The following MAN1A1 variants were observed in gnomAD, a reference collection of about 807,000 sequenced individuals.
MAN1A1 encodes the protein mannosyl-oligosaccharide 1,2-alpha-mannosidase IA.
MAN1A1 carries 29 observed loss-of-function variants against 70.8 expected under a neutral mutation model. The observed-to-expected ratio is 0.41, with a 90% CI of 0.31 to 0.56. The LOEUF (loss-of-function observed/expected upper bound fraction) is 0.56, where lower values mean the gene tolerates loss of function less well. Among genes scored for constraint, MAN1A1 ranks in the 20% least tolerant of loss-of-function variants. MAN1A1 has a pLI of 0.29. For missense variants in MAN1A1, 747 were observed against 841.3 expected (o/e 0.89, Z 1.39); for synonymous variants, 349 against 330.1 (o/e 1.06, Z -0.62).
chr6:119,215,095 T>C (rs1774163507), intron 6 of MAN1A1, among the ~76,000 whole-genome samples: 1 of 151,950 alleles, frequency 6.6e-6, no homozygotes, highest in Non-Finnish European at 1.5e-5. Flanking sequence ...ATATACCTAA[T>C]GTTAAATGAC....
chr6:119,266,145 T>C (rs191847950), intron 5 of MAN1A1, among the ~76,000 whole-genome samples: 31 of 152,284 alleles, frequency 2.0e-4, no homozygotes, highest in African/African-American at 6.5e-4. Flanking sequence ...TGTTTATAGA[T>C]AGAAGATTGA....
intron 4 of MAN1A1, among the ~76,000 whole-genome samples, chr6:119,294,224 T>C (rs1772135295): frequency 6.6e-6 from 1 of 152,164 alleles, no homozygotes; most frequent in South Asian, 2.1e-4. Context: ...TTTTCAAAAG[T>C]GAATTTCTAC....
At chr6:119,261,812 C>T (rs760601031) in intron 5 of MAN1A1, among the ~76,000 whole-genome samples, 1 of 152,066 alleles carries the variant, frequency 6.6e-6, no homozygotes, top group African/African-American at 2.4e-5. Context: ...CTGAGACTGG[C>T]CAACATCCTG....
At chr6:119,302,188 G>T in intron 3 of MAN1A1, 85 bp from the exon 4 acceptor site, 2 of 644,694 alleles carry the variant, frequency 3.1e-6, no homozygotes, top group South Asian at 2.0e-5. Flanking sequence ...AAGGGAGAGG[G>T]TAATGCTGGA....
At chr6:119,270,037 C>A (rs889520996) in intron 5 of MAN1A1, among the ~76,000 whole-genome samples, 16 of 152,280 alleles carry the variant, frequency 1.1e-4, no homozygotes, top group African/African-American at 3.9e-4. Context: ...TCAAAATTCT[C>A]ATTTTTGGCC....
intron 6 of MAN1A1, among the ~76,000 whole-genome samples, chr6:119,213,838 A>G (rs559443025): frequency 1.7e-4 from 26 of 152,238 alleles, no homozygotes; most frequent in Non-Finnish European, 3.2e-4. Context: ...TTTATTACTC[A>G]AGAGTTAAAA....
intron 7 of MAN1A1, 137 bp downstream of exon 7, chr6:119,204,622 C>T: frequency 9.6e-7 from 1 of 1,042,144 alleles, no homozygotes; most frequent in East Asian, 2.4e-5. Flanking sequence ...TGAAATGCTG[C>T]ATGTTGCAAA....
chr6:119,180,762 C>T (rs1354959869), intron 11 of MAN1A1, among the ~76,000 whole-genome samples: 1 of 148,586 alleles, frequency 6.7e-6, no homozygotes, highest in Non-Finnish European at 1.5e-5. Flanking sequence ...GATCTGCTTG[C>T]CTCGGCCTCC....
At chr6:119,239,608 CCTT>C (rs1774948760) in intron 6 of MAN1A1, among the ~76,000 whole-genome samples, 1 of 152,174 alleles carries the variant, frequency 6.6e-6, no homozygotes, top group African/African-American at 2.4e-5. Flanking sequence ...TGATAAAGTG[CCTT>C]GATACCTGCG....
intron 6 of MAN1A1, among the ~76,000 whole-genome samples, chr6:119,208,463 A>T (rs891345650): frequency 2.4e-4 from 37 of 152,366 alleles, no homozygotes; most frequent in Middle Eastern, 3.4e-3. Flanking sequence ...AAAGTGTGGA[A>T]TGCTTTTGTT....
chr6:119,349,170 C>T lies in MAN1A1; in HGVS notation c.-105G>A. The T allele has an allele frequency of 8.1e-7, 1 of 1,228,934 alleles. No individual in the cohort carries two copies. The highest frequency in any genetic ancestry group is 1.0e-6 in the Non-Finnish European group (1 of 986,910). The allele number at this position is 1,228,934 out of a possible 1,614,324, so 76.1% of individuals were successfully genotyped here. On this transcript the variant is annotated 5_prime_UTR_variant, in exon 2 of 13. Transcript: ENST00000368468. ...GCTGGGTCCTGCGTAGCCAGGCCGCCCGACCCCCTCGGCTGGGCTGCGGAT... is the reference window on the plus strand; with the variant it reads ...GCTGGGTCCTGCGTAGCCAGGCCGCTCGACCCCCTCGGCTGGGCTGCGGAT...
chr6:119,328,418 A>G (rs920281708), intron 2 of MAN1A1, among the ~76,000 whole-genome samples: 4 of 152,260 alleles, frequency 2.6e-5, no homozygotes, highest in Non-Finnish European at 4.4e-5. Context: ...AATGCACTGT[A>G]TATCTTCACA....
At chr6:119,298,171 T>C (rs1414917994) in intron 4 of MAN1A1, among the ~76,000 whole-genome samples, 1 of 152,160 alleles carries the variant, frequency 6.6e-6, no homozygotes, top group Non-Finnish European at 1.5e-5. Flanking sequence ...AATTAGAAAA[T>C]GCATTCATGG....
intron 8 of MAN1A1, 57 bp downstream of exon 8, chr6:119,201,193 CCTCT>C: frequency 8.0e-7 from 1 of 1,254,242 alleles, no homozygotes; most frequent in South Asian, 1.2e-5. Context: ...TTTTGTGCTT[CCTCT>C]CTCTCCACGA....
At chr6:119,316,945 A>C (rs200033450) in intron 2 of MAN1A1, among the ~76,000 whole-genome samples, 17 of 147,248 alleles carry the variant, frequency 1.2e-4, no homozygotes, top group Non-Finnish European at 1.9e-4. Flanking sequence ...TTTTATTATT[A>C]TTATTCTTTT....
chr6:119,318,297 G>C (rs1772909218), intron 2 of MAN1A1, among the ~76,000 whole-genome samples: 1 of 152,154 alleles, frequency 6.6e-6, no homozygotes, highest in African/African-American at 2.4e-5. Context: ...CTGCAAGGAA[G>C]GTAGTCTCCC....
intron 5 of MAN1A1, among the ~76,000 whole-genome samples, chr6:119,249,516 G>A (rs982865459): frequency 4.3e-4 from 66 of 152,250 alleles, no homozygotes; most frequent in African/African-American, 1.6e-3. Context: ...GACTGGAAGC[G>A]TACCATTTCC....
intron 8 of MAN1A1, among the ~76,000 whole-genome samples, chr6:119,200,481 T>C (rs916658039): frequency 6.6e-6 from 1 of 152,202 alleles, no homozygotes; most frequent in African/African-American, 2.4e-5. Context: ...TCTAAGAACA[T>C]GATATTAAAA....
chr6:119,185,472 T>C (rs1773261208), intron 11 of MAN1A1, among the ~76,000 whole-genome samples: 1 of 152,208 alleles, frequency 6.6e-6, no homozygotes, highest in South Asian at 2.1e-4. Context: ...TTACAAATAC[T>C]TTACAAACTG....
Sources: gnomAD v4.1 joint callset for allele counts (sites outside exome capture counted in the v4.1 genomes callset) on GRCh38, gnomAD v4.1.1 for gene constraint, MANE v1.5 for transcripts, NCBI Gene and HGNC (gene_info 2026-07-23, HGNC 2026-07-21) for gene names.